RBFOX2: variants seen among roughly 807,000 people sequenced by gnomAD.
The protein encoded by RBFOX2 is RNA binding protein fox-1 homolog 2.
RBFOX2 carries 10 observed loss-of-function variants against 49.1 expected under a neutral mutation model. That is an observed-to-expected ratio of 0.20 (90% CI 0.13 to 0.35). The LOEUF (loss-of-function observed/expected upper bound fraction) is 0.35. RBFOX2 is among the 10% of genes least tolerant of loss of function. The pLI is 1.00. For synonymous variants in RBFOX2, 183 were observed against 187.4 expected (o/e 0.98, Z 0.19); for missense variants, 323 against 486.9 (o/e 0.66, Z 3.17).
At chr22:35,948,727 C>T (rs549608464) in intron 1 of RBFOX2, among the ~76,000 whole-genome samples, 4 of 152,042 alleles carry the variant, frequency 2.6e-5, no homozygotes, top group African/African-American at 7.2e-5. Flanking sequence ...TAAAGTTCCC[C>T]GTTAATCTAT....
intron 1 of RBFOX2, among the ~76,000 whole-genome samples, chr22:35,870,816 A>G (rs1315006948): frequency 2.0e-5 from 3 of 152,188 alleles, no homozygotes; most frequent in South Asian, 4.1e-4. Flanking sequence ...AAAAAATGTC[A>G]TTTGGTCCAC....
rs1009021083 is a variant in RBFOX2, at chr22:35,933,953, T to TATATACAC, written c.-34+4893_-34+4894insGTGTATAT. On this transcript the variant is annotated intron_variant, in intron 1 of 13. Transcript: ENST00000359369. ...ATATATATATATATATATATATATA[T>TATATACAC]ACACACATCAATGAAATAAATTAGA... Among the ~76,000 whole-genome samples, 58 of 141,076 alleles carry TATATACAC rather than the reference T, an allele frequency of 4.1e-4. 1 individual carries two copies. The highest frequency in any genetic ancestry group is 1.2e-3 in the African/African-American group (44 of 35,770). 92.6% of individuals were successfully genotyped at this position (141,076 alleles called of 152,430 possible).
chr22:35,840,868 A>T (rs1017820005), upstream of RBFOX2, among the ~76,000 whole-genome samples: 7 of 152,262 alleles, frequency 4.6e-5, no homozygotes, highest in Non-Finnish European at 4.4e-5. Context: ...TACAGTTTAT[A>T]GATGCAGTGG....
chr22:35,927,128 A>G (rs1033895387), intron 1 of RBFOX2, among the ~76,000 whole-genome samples: 1 of 152,208 alleles, frequency 6.6e-6, no homozygotes, highest in Non-Finnish European at 1.5e-5. Flanking sequence ...CAGACATGTT[A>G]AACGATTTGA....
intron 1 of RBFOX2, among the ~76,000 whole-genome samples, chr22:35,925,023 A>AAT (rs143396884): frequency 1.5e-3 from 225 of 150,544 alleles, no homozygotes; most frequent in Middle Eastern, 6.8e-3. Context: ...TACTAAAATA[A>AAT]ATATATATAT....
intron 6 of RBFOX2, among the ~76,000 whole-genome samples, chr22:35,763,555 G>C (rs1939743718): frequency 6.6e-6 from 1 of 152,154 alleles, no homozygotes; most frequent in South Asian, 2.1e-4. Context: ...GAGAGACTCT[G>C]CCTCAAAACA....
chr22:35,970,776 A>T (rs1179389814), intron 1 of RBFOX2, among the ~76,000 whole-genome samples: 1 of 152,204 alleles, frequency 6.6e-6, no homozygotes, highest in Non-Finnish European at 1.5e-5. Flanking sequence ...ATGCCAACAC[A>T]GTATATTTTT....
At chr22:35,780,831 T>C (rs1021823376) in intron 3 of RBFOX2, among the ~76,000 whole-genome samples, 8 of 152,210 alleles carry the variant, frequency 5.3e-5, no homozygotes, top group African/African-American at 1.9e-4. Context: ...CCAAAATCTA[T>C]ACTCTTTCCA....
chr22:35,920,757 T>C (rs1043563606), intron 1 of RBFOX2, among the ~76,000 whole-genome samples: 2 of 152,200 alleles, frequency 1.3e-5, no homozygotes, highest in Non-Finnish European at 1.5e-5. Context: ...GCAGCAGACA[T>C]AGCTAATGGC....
intron 1 of RBFOX2, among the ~76,000 whole-genome samples, chr22:36,008,175 A>C (rs1205377799): frequency 1.3e-5 from 2 of 152,194 alleles, no homozygotes; most frequent in Non-Finnish European, 2.9e-5. Flanking sequence ...CACCCTTATC[A>C]AACCATTGTG....
chr22:35,814,636 G>C (rs1952597291), intron 1 of RBFOX2, among the ~76,000 whole-genome samples: 2 of 149,830 alleles, frequency 1.3e-5, no homozygotes, highest in Non-Finnish European at 3.0e-5. Flanking sequence ...ACTTGAGCTT[G>C]GGAGATAGAG....
chr22:35,792,283 T>G (rs1331109594), intron 2 of RBFOX2, among the ~76,000 whole-genome samples: 1 of 130,802 alleles, frequency 7.6e-6, no homozygotes, highest in Non-Finnish European at 1.5e-5. Flanking sequence ...GCCACTGCAG[T>G]CCAGCCTGGG....
chr22:35,962,586 T>C (rs1309843568), upstream of RBFOX2, among the ~76,000 whole-genome samples: 4 of 152,218 alleles, frequency 2.6e-5, no homozygotes, highest in Non-Finnish European at 5.9e-5. Context: ...ATCATAGATA[T>C]ACCATAAAAT....
At chr22:35,975,221 T>A (rs1001678201) in intron 1 of RBFOX2, among the ~76,000 whole-genome samples, 4 of 152,206 alleles carry the variant, frequency 2.6e-5, no homozygotes, top group African/African-American at 9.7e-5. Flanking sequence ...TCTGCACCTA[T>A]CTTGTATGAA....
At chr22:35,877,255 A>T (rs947707912) in intron 1 of RBFOX2, among the ~76,000 whole-genome samples, 3 of 152,196 alleles carry the variant, frequency 2.0e-5, no homozygotes, top group Non-Finnish European at 4.4e-5. Flanking sequence ...GTAATGCTTA[A>T]TAAGTACTTG....
chr22:36,002,052 G>A (rs1221944705), intron 1 of RBFOX2, among the ~76,000 whole-genome samples: 1 of 152,092 alleles, frequency 6.6e-6, no homozygotes, highest in East Asian at 1.9e-4. Flanking sequence ...TGACAAGAGT[G>A]AGACTCTGCC....
At chr22:35,928,517 C>A (rs541713801) in intron 1 of RBFOX2, among the ~76,000 whole-genome samples, 1 of 152,304 alleles carries the variant, frequency 6.6e-6, no homozygotes, top group South Asian at 2.1e-4. Flanking sequence ...TTTGAAGGAA[C>A]CACCAGGCCT....
At chr22:35,872,343 T>A (rs199640889) in intron 1 of RBFOX2, among the ~76,000 whole-genome samples, 1 of 152,116 alleles carries the variant, frequency 6.6e-6, no homozygotes, top group Non-Finnish European at 1.5e-5. Context: ...CCAGTGGGCA[T>A]GTGTTATAGG....
intron 1 of RBFOX2, among the ~76,000 whole-genome samples, chr22:35,825,663 T>C (rs927607921): frequency 2.0e-5 from 3 of 152,152 alleles, no homozygotes; most frequent in African/African-American, 7.2e-5. Context: ...TAAGGATCAT[T>C]ACCTAAAAGG....
Sources: gnomAD v4.1 joint callset for allele counts (sites outside exome capture counted in the v4.1 genomes callset) on GRCh38, gnomAD v4.1.1 for gene constraint, MANE v1.5 for transcripts, NCBI Gene and HGNC (gene_info 2026-07-23, HGNC 2026-07-21) for gene names.